Variants in RIMS1 observed in about 807,000 individuals in gnomAD.
The protein encoded by RIMS1 is regulating synaptic membrane exocytosis 1.
A neutral mutation model predicts 214.1 loss-of-function variants in RIMS1; 83 were observed. That is an observed-to-expected ratio of 0.39 (90% CI 0.32 to 0.47). The LOEUF (loss-of-function observed/expected upper bound fraction) is 0.47, where lower values mean the gene tolerates loss of function less well. Among genes scored for constraint, RIMS1 ranks in the 20% least tolerant of loss-of-function variants. The probability of loss-of-function intolerance (pLI) is 0.99; values close to 1 mark genes in which losing one functional copy is unlikely to be tolerated. For synonymous variants in RIMS1, 793 were observed against 786.8 expected (o/e 1.01, Z -0.13); for missense variants, 2,050 against 2,161.8 (o/e 0.95, Z 1.03).
intron 6 of RIMS1, among the ~76,000 whole-genome samples, chr6:72,183,449 T>G (rs1245463415): frequency 6.6e-6 from 1 of 152,058 alleles, no homozygotes; most frequent in Non-Finnish European, 1.5e-5. Context: ...TATTTTAGAG[T>G]GGATTTATTA....
intron 2 of RIMS1, among the ~76,000 whole-genome samples, chr6:71,997,192 C>T (rs924615154): frequency 1.3e-5 from 2 of 152,104 alleles, no homozygotes; most frequent in Non-Finnish European, 2.9e-5. Flanking sequence ...TAAACTTTTT[C>T]ATATTAATGA....
At chr6:72,319,870 T>G (rs530740932) in intron 28 of RIMS1, among the ~76,000 whole-genome samples, 1 of 152,262 alleles carries the variant, frequency 6.6e-6, no homozygotes, top group Admixed American at 6.5e-5. Flanking sequence ...CTGCCACTCC[T>G]ACCTTACCAG....
chr6:71,910,237 G>C (rs1161375137), intron 1 of RIMS1, among the ~76,000 whole-genome samples: 1 of 152,076 alleles, frequency 6.6e-6, no homozygotes, highest in Non-Finnish European at 1.5e-5. Flanking sequence ...TTAGGTTTAA[G>C]TAGAAATACA....
In RIMS1 at chr6:72,279,615, A is replaced by T; in HGVS notation, c.3483-4432A>T. Among the ~76,000 whole-genome samples the T allele has an allele frequency of 2.0e-5, 3 of 152,182 alleles. 1 individual carries two copies. The South Asian group carries it at 6.2e-4, about 31-fold the overall frequency. On this transcript the variant is annotated intron_variant, in intron 23 of 33. Coordinates refer to ENST00000521978, the MANE Select transcript of RIMS1 (RefSeq NM_014989.7). ...AACAAAAAAGCATGTTTAAACTAAA[A>T]ATAAGACATAATGAAAACACTGAAA...
chr6:72,353,148 C>A (rs1325642705), intron 29 of RIMS1, among the ~76,000 whole-genome samples: 3 of 151,606 alleles, frequency 2.0e-5, no homozygotes, highest in Non-Finnish European at 2.9e-5. Flanking sequence ...CCACGCTCAG[C>A]TAGTTTTTTT....
chr6:72,189,419 G>A (rs1034856624), intron 6 of RIMS1, among the ~76,000 whole-genome samples: 10 of 152,186 alleles, frequency 6.6e-5, no homozygotes, highest in African/African-American at 2.2e-4. Flanking sequence ...AATGTTGTGT[G>A]GAATACCATG....
chr6:72,359,137 AATACAGTTTATC>A (rs1163440642), intron 29 of RIMS1, among the ~76,000 whole-genome samples: 1 of 152,212 alleles, frequency 6.6e-6, no homozygotes, highest in African/African-American at 2.4e-5. Flanking sequence ...GAGGCTAACA[AATACAGTTTATC>A]AGAAAGAATT....
At chr6:72,021,480 A>G (rs759861606) in intron 2 of RIMS1, among the ~76,000 whole-genome samples, 22 of 152,270 alleles carry the variant, frequency 1.4e-4, no homozygotes, top group Middle Eastern at 3.4e-3. Flanking sequence ...ATATGATGCA[A>G]TCCCTGTCCT....
chr6:71,918,662 A>G (rs2150720186), intron 1 of RIMS1, among the ~76,000 whole-genome samples: 1 of 152,278 alleles, frequency 6.6e-6, no homozygotes, highest in East Asian at 1.9e-4. Flanking sequence ...TAAGAGTTTA[A>G]AAGAAAAATC....
At position 72,307,262 on chromosome 6, in the gene RIMS1, C is replaced by T. The variant is rs2095257259; in HGVS notation, c.3855C>T (p.Ser1285=). 7 of 1,593,634 alleles carry T rather than the reference C, an allele frequency of 4.4e-6. No homozygotes were observed. The highest frequency in any genetic ancestry group is 2.3e-5 in the East Asian group (1 of 44,372). ...PVRSGSIEQA[S]LVVEERTRQM... The stretch of plus-strand genomic sequence containing the variant: ...TTCCATTATGTGTTTTTGCAGCAAG[C>T]TTAGTAGTGGAGGAGCGAACAAGAC... Residue 1285 remains serine (S), a synonymous_variant, in exon 27 of 34, where the codon AGC becomes AGT. Transcript: ENST00000521978.
rs924572730 is a variant in RIMS1, at chr6:72,401,946, A to G, written c.*1232A>G. 2 of 152,628 alleles carry G rather than the reference A, an allele frequency of 1.3e-5. No homozygotes were observed. The highest frequency in any genetic ancestry group is 2.1e-4 in the South Asian group (1 of 4,830). 9.5% of individuals were successfully genotyped at this position (152,628 alleles called of 1,614,324 possible). On this transcript the variant is annotated 3_prime_UTR_variant, in exon 34 of 34. Transcript: ENST00000521978. ...AAAGTATCTTACTTTTTGGGGGGAA[A>G]ATAAACAAAATGAACTTTCAATTTG...
At chr6:72,307,941 C>G (rs2095311227) in intron 27 of RIMS1, among the ~76,000 whole-genome samples, 1 of 151,942 alleles carries the variant, frequency 6.6e-6, no homozygotes, top group Non-Finnish European at 1.5e-5. Flanking sequence ...GATTGATTAG[C>G]ATTAGTCAAA....
chr6:72,296,466 A>G (rs1368946401), intron 26 of RIMS1, among the ~76,000 whole-genome samples: 2 of 151,790 alleles, frequency 1.3e-5, no homozygotes, highest in African/African-American at 4.8e-5. Flanking sequence ...TTGCCTCAAT[A>G]CTGTTAAAAT....
At chr6:71,964,696 T>C (rs1793951593) in intron 1 of RIMS1, among the ~76,000 whole-genome samples, 1 of 151,744 alleles carries the variant, frequency 6.6e-6, no homozygotes, top group Non-Finnish European at 1.5e-5. Context: ...AAAAAAAAAA[T>C]GAAAAGTTCT....
intron 2 of RIMS1, among the ~76,000 whole-genome samples, chr6:72,080,298 C>A (rs1833043157): frequency 6.6e-6 from 1 of 151,784 alleles, no homozygotes; most frequent in Admixed American, 6.6e-5. Flanking sequence ...AAGTACATAA[C>A]AGTCATGAAC....
At chr6:72,042,261 G>A (rs1585500070) in intron 2 of RIMS1, among the ~76,000 whole-genome samples, 2 of 151,830 alleles carry the variant, frequency 1.3e-5, no homozygotes, top group African/African-American at 4.8e-5. Context: ...GTTGAGAGAA[G>A]AAACCCTGCT....
intron 2 of RIMS1, among the ~76,000 whole-genome samples, chr6:71,992,726 C>T (rs1373567121): frequency 6.6e-6 from 1 of 151,982 alleles, no homozygotes; most frequent in Non-Finnish European, 1.5e-5. Context: ...GATCACAGCT[C>T]ATGGCTCACT....
At chr6:72,074,683 T>A (rs1472467806) in intron 2 of RIMS1, among the ~76,000 whole-genome samples, 1 of 151,986 alleles carries the variant, frequency 6.6e-6, no homozygotes, top group Non-Finnish European at 1.5e-5. Flanking sequence ...AAAAAATATA[T>A]CATATTAGAG....
intron 1 of RIMS1, among the ~76,000 whole-genome samples, chr6:71,907,786 A>C (rs1775697219): frequency 6.6e-6 from 1 of 152,226 alleles, no homozygotes; most frequent in African/African-American, 2.4e-5. Flanking sequence ...AATCAAGTGC[A>C]TGGAACAAAG....
Sources: gnomAD v4.1 joint callset for allele counts (sites outside exome capture counted in the v4.1 genomes callset) on GRCh38, gnomAD v4.1.1 for gene constraint, MANE v1.5 for transcripts, NCBI Gene and HGNC (gene_info 2026-07-23, HGNC 2026-07-21) for gene names.